Variants in FAF1 observed in about 807,000 individuals in gnomAD.
FAF1 encodes FAS-associated factor 1.
A neutral mutation model predicts 92.5 loss-of-function variants in FAF1; 25 were observed. That is an observed-to-expected ratio of 0.27 (90% confidence interval 0.20 to 0.38). The LOEUF is 0.38. FAF1 is among the 10% of genes least tolerant of loss of function. The pLI is 1.00. For missense variants in FAF1, 636 were observed against 793.3 expected, an observed-to-expected ratio of 0.80 and a Z score of 2.38; for synonymous variants, 234 against 273.2, an observed-to-expected ratio of 0.86 and a Z score of 1.42.
intron 6 of FAF1, among the ~76,000 whole-genome samples, chr1:50,730,792 T>C (rs1043817370): frequency 3.9e-5 from 6 of 152,192 alleles, no homozygotes; most frequent in African/African-American, 1.2e-4. Flanking sequence ...ATCAGGACCA[T>C]TCAGGTATTT....
chr1:50,703,319 T>G (rs1394710368), intron 7 of FAF1, among the ~76,000 whole-genome samples: 1 of 152,160 alleles, frequency 6.6e-6, no homozygotes, highest in Non-Finnish European at 1.5e-5. Context: ...ATGTACATAC[T>G]TAAGTGTCAT....
At chr1:50,676,657 A>G (rs1345503357) in intron 7 of FAF1, among the ~76,000 whole-genome samples, 1 of 151,798 alleles carries the variant, frequency 6.6e-6, no homozygotes, top group Non-Finnish European at 1.5e-5. Flanking sequence ...CCCTGTCTCT[A>G]CTAAAAATAC....
intron 18 of FAF1, among the ~76,000 whole-genome samples, chr1:50,452,780 TA>T (rs959174644): frequency 6.6e-6 from 1 of 151,964 alleles, no homozygotes; most frequent in African/African-American, 2.4e-5. Context: ...AGGGAGGCAG[TA>T]AAAAAAAGCA....
intron 2 of FAF1, among the ~76,000 whole-genome samples, chr1:50,839,781 T>C (rs1008276688): frequency 3.3e-5 from 5 of 152,112 alleles, no homozygotes; most frequent in Admixed American, 1.3e-4. Context: ...AATCACATTC[T>C]ACTACAGCCA....
At chr1:50,506,572 C>T (rs1454610614) in intron 15 of FAF1, among the ~76,000 whole-genome samples, 2 of 152,306 alleles carry the variant, frequency 1.3e-5, no homozygotes, top group South Asian at 4.1e-4. Flanking sequence ...TATATTCACA[C>T]TGTATTATTA....
chr1:50,524,357 G>C (rs1391579983), intron 15 of FAF1, among the ~76,000 whole-genome samples: 5 of 152,112 alleles, frequency 3.3e-5, no homozygotes, highest in Admixed American at 3.3e-4. Context: ...CTGCTGATGT[G>C]TGTTTTGCTC....
intron 2 of FAF1, among the ~76,000 whole-genome samples, chr1:50,851,044 G>T (rs1644344357): frequency 6.6e-6 from 1 of 150,502 alleles, no homozygotes; most frequent in African/African-American, 2.4e-5. Context: ...CAGTGCATCT[G>T]ATTGATATGA....
chr1:50,841,508 A>G (rs889201366), intron 2 of FAF1, among the ~76,000 whole-genome samples: 15 of 152,078 alleles, frequency 9.9e-5, no homozygotes, highest in Non-Finnish European at 1.5e-4. Context: ...GCATTAAAAC[A>G]AAATACATTG....
At chr1:50,624,148 C>G (rs555745689) in intron 8 of FAF1, among the ~76,000 whole-genome samples, 6 of 152,212 alleles carry the variant, frequency 3.9e-5, no homozygotes, top group Non-Finnish European at 7.4e-5. Flanking sequence ...CCAGACACAA[C>G]TTTCGAACTT....
At chr1:50,664,455 T>C (rs1403987470) in intron 7 of FAF1, among the ~76,000 whole-genome samples, 3 of 151,614 alleles carry the variant, frequency 2.0e-5, no homozygotes, top group African/African-American at 7.3e-5. Context: ...ACTGAAGAAA[T>C]GTCCCTAACC....
At chr1:50,606,540 C>T (rs1652421595) in intron 8 of FAF1, among the ~76,000 whole-genome samples, 1 of 125,784 alleles carries the variant, frequency 8.0e-6, no homozygotes, top group Non-Finnish European at 1.6e-5. Context: ...ACTCTTGTTG[C>T]CCAGGCTGGA....
At chr1:50,558,698 T>C (rs549683207) in intron 13 of FAF1, among the ~76,000 whole-genome samples, 1 of 152,230 alleles carries the variant, frequency 6.6e-6, no homozygotes, top group African/African-American at 2.4e-5. Context: ...TCTTAGCTTC[T>C]AACAACAGTT....
chr1:50,649,356 G>C (rs570824922), intron 8 of FAF1, among the ~76,000 whole-genome samples: 6 of 150,912 alleles, frequency 4.0e-5, no homozygotes, highest in African/African-American at 1.5e-4. Context: ...TCTCCATGTT[G>C]GTCAGGATGG....
At chr1:50,627,703 G>C (rs139117573) in intron 8 of FAF1, among the ~76,000 whole-genome samples, 37 of 152,058 alleles carry the variant, frequency 2.4e-4, no homozygotes, top group Non-Finnish European at 5.1e-4. Flanking sequence ...TGTGAGGGGG[G>C]GCTTCTGGGA....
At chr1:50,495,485 C>T (rs1240448411) in intron 15 of FAF1, among the ~76,000 whole-genome samples, 1 of 152,034 alleles carries the variant, frequency 6.6e-6, no homozygotes, top group African/African-American at 2.4e-5. Flanking sequence ...GTACATGTAC[C>T]ATGTTTTCTT....
chr1:50,677,895 CAAAAAAAAAAAA>C (rs1036524797), intron 7 of FAF1, among the ~76,000 whole-genome samples: 1 of 62,544 alleles, frequency 1.6e-5, no homozygotes, highest in Non-Finnish European at 3.2e-5. Flanking sequence ...AACTCTGCCT[CAAAAAAAAAAAA>C]AAAAAAAAAA....
chr1:50,576,633 GC>G (rs59182122), intron 12 of FAF1, among the ~76,000 whole-genome samples: 57,749 of 131,898 alleles, frequency 0.44, 13,934 homozygotes, highest in African/African-American at 0.68. Context: ...TCTCCGCACC[GC>G]CCCCCCCCCG....
chr1:50,606,489 C>CTTTTTTTTTT (rs34498946), intron 8 of FAF1, among the ~76,000 whole-genome samples: 2 of 58,538 alleles, frequency 3.4e-5, no homozygotes, highest in African/African-American at 7.5e-5. Context: ...GTGAGAGTTG[C>CTTTTTTTTTT]TTTTTTTTTT....
At chr1:50,459,307 G>C (rs770449862) in intron 18 of FAF1, among the ~76,000 whole-genome samples, 8 of 152,044 alleles carry the variant, frequency 5.3e-5, no homozygotes, top group Non-Finnish European at 1.0e-4. Flanking sequence ...ACCCAATAAA[G>C]TCTCTCTATG....
Sources: allele counts gnomAD v4.1 joint callset (sites outside exome capture counted in the v4.1 genomes callset), GRCh38; gene constraint gnomAD v4.1.1; transcripts MANE v1.5; gene names NCBI Gene and HGNC (gene_info 2026-07-23, HGNC 2026-07-21).